Variants in RAB11FIP3 observed in about 807,000 individuals in gnomAD.
RAB11FIP3 encodes the protein rab11 family-interacting protein 3.
Under a neutral mutation model 77.8 loss-of-function variants are expected in RAB11FIP3, and 17 were observed. The ratio of observed to expected loss-of-function variants is 0.22; its 90% CI spans 0.15 to 0.33. The LOEUF (loss-of-function observed/expected upper bound fraction) is 0.33, where lower values mean the gene tolerates loss of function less well. RAB11FIP3 is among the 10% of genes least tolerant of loss of function. The pLI, the probability that RAB11FIP3 is intolerant of heterozygous loss-of-function variation, is 1.00. For synonymous variants in RAB11FIP3, 437 were observed against 448.2 expected, an observed-to-expected ratio of 0.98 and a Z score of 0.31; for missense variants, 1,005 against 1,011.2, an observed-to-expected ratio of 0.99 and a Z score of 0.08.
intron 6 of RAB11FIP3, 31 bp downstream of exon 6, chr16:496,890 C>A: frequency 6.5e-7 from 1 of 1,527,970 alleles, no homozygotes; most frequent in Non-Finnish European, 9.0e-7. Context: ...TGCTGAAAAA[C>A]GTTCTGAAGT....
chr16:487,412 G>A (rs1354475295), intron 4 of RAB11FIP3, among the ~76,000 whole-genome samples: 4 of 152,148 alleles, frequency 2.6e-5, no homozygotes, highest in Non-Finnish European at 5.9e-5. Flanking sequence ...GTGAGCCACC[G>A]CCCCCGGCCC....
At chr16:448,003 G>A (rs916600418) in intron 1 of RAB11FIP3, among the ~76,000 whole-genome samples, 9 of 151,696 alleles carry the variant, frequency 5.9e-5, no homozygotes, top group Non-Finnish European at 1.0e-4. Flanking sequence ...AAAAAAAACT[G>A]TAAAGAAAAT....
At chr16:432,375 C>T (rs896919337) in intron 1 of RAB11FIP3, among the ~76,000 whole-genome samples, 2 of 151,196 alleles carry the variant, frequency 1.3e-5, no homozygotes, top group South Asian at 2.1e-4. Context: ...GAAACTGTCT[C>T]GAAAAACTAA....
At chr16:468,839 T>A (rs1418664509) in intron 2 of RAB11FIP3, among the ~76,000 whole-genome samples, 1 of 152,180 alleles carries the variant, frequency 6.6e-6, no homozygotes, top group African/African-American at 2.4e-5. Context: ...AGAATGGTAT[T>A]TAGGTCCTAC....
intron 6 of RAB11FIP3, 124 bp downstream of exon 6, chr16:496,983 C>A: frequency 1.8e-6 from 2 of 1,094,674 alleles, no homozygotes; most frequent in Non-Finnish European, 2.6e-6. Flanking sequence ...AGTTACTTTA[C>A]ATGGTTTGGG....
At chr16:429,792 C>T (rs900115677) in intron 1 of RAB11FIP3, among the ~76,000 whole-genome samples, 2 of 152,120 alleles carry the variant, frequency 1.3e-5, no homozygotes, top group African/African-American at 4.8e-5. Flanking sequence ...GCCACTGTGC[C>T]CGGCCAAGTA....
intron 1 of RAB11FIP3, among the ~76,000 whole-genome samples, chr16:447,120 T>C (rs1003041036): frequency 2.0e-5 from 3 of 151,934 alleles, no homozygotes; most frequent in African/African-American, 7.3e-5. Flanking sequence ...GCCTGAACAA[T>C]ATAGTGAGAC....
chr16:502,096 T>C (rs1332757076), intron 6 of RAB11FIP3, among the ~76,000 whole-genome samples: 2 of 152,238 alleles, frequency 1.3e-5, no homozygotes, highest in East Asian at 3.8e-4. Flanking sequence ...GGTACTGAGG[T>C]TCCCAGGATG....
chr16:471,173 G>GC lies in RAB11FIP3; in HGVS notation c.809-117dup. On this transcript the variant is annotated intron_variant, in intron 2 of 13. Transcript: ENST00000262305. The surrounding 1 kb of genome is among the most constrained non-coding windows in gnomAD (Gnocchi z 4.4). ...CTTGCTTGTCTTGACCCCCCCCAGG[G>GC]CCCCCAACTCCCACACATCTGTCCC... The GC allele has an allele frequency of 1.3e-6, 1 of 760,094 alleles. No individual in the cohort carries two copies. Among genetic ancestry groups the GC allele is most frequent in the Non-Finnish European group, 2.2e-6 (1 of 449,832 alleles). 47.1% of individuals were successfully genotyped at this position (760,094 alleles called of 1,614,324 possible). A position where few individuals can be genotyped will look rare whatever the true frequency, so the allele number is the denominator to read the frequency against.
intron 1 of RAB11FIP3, among the ~76,000 whole-genome samples, chr16:444,809 ACTATCT>A (rs1274837937): frequency 6.6e-6 from 1 of 151,030 alleles, no homozygotes; most frequent in Non-Finnish European, 1.5e-5. Context: ...ACATAGCGAG[ACTATCT>A]CTATTAAAAA....
intron 4 of RAB11FIP3, among the ~76,000 whole-genome samples, chr16:483,062 G>A (rs1360136905): frequency 1.3e-5 from 2 of 152,108 alleles, no homozygotes; most frequent in Non-Finnish European, 2.9e-5. Flanking sequence ...GTTCACCTTT[G>A]CAGCACCCCT....
Position 426,833 on chromosome 16 carries a change from A to G in RAB11FIP3, c.714+113A>G, listed in dbSNP as rs1289376199. ...TGGAGTCGGGAAAGGCACTGTCAAG[A>G]CCTGACGGTCCTGCTTTTTCTGCTT... On this transcript the variant is annotated intron_variant, in intron 1 of 13. Transcript: ENST00000262305. This position sits in a 1 kb window ranked among gnomAD's most constrained non-coding sequence, Gnocchi z 5.0. The G allele has an allele frequency of 1.4e-5, 11 of 805,876 alleles. No individual in the cohort carries two copies. Among genetic ancestry groups the G allele is most frequent in the Non-Finnish European group, 5.5e-6 (3 of 548,674 alleles). 49.9% of individuals were successfully genotyped at this position (805,876 alleles called of 1,614,324 possible).
At chr16:436,323 G>T (rs1472887934) in intron 1 of RAB11FIP3, among the ~76,000 whole-genome samples, 1 of 152,064 alleles carries the variant, frequency 6.6e-6, no homozygotes, top group African/African-American at 2.4e-5. Context: ...AAGAAGAAAA[G>T]AGATGGGATC....
chr16:512,860 AAT>A (rs2032248631), intron 9 of RAB11FIP3, among the ~76,000 whole-genome samples: 1 of 152,084 alleles, frequency 6.6e-6, no homozygotes, highest in African/African-American at 2.4e-5. Context: ...CATTATTTTA[AAT>A]AGAGACAGGG....
At chr16:487,856 C>T (rs1055485386) in intron 4 of RAB11FIP3, among the ~76,000 whole-genome samples, 7 of 152,110 alleles carry the variant, frequency 4.6e-5, no homozygotes, top group African/African-American at 1.4e-4. Context: ...GCTGCTGTTA[C>T]GTTTTAGCTT....
intron 6 of RAB11FIP3, among the ~76,000 whole-genome samples, chr16:501,173 T>C (rs2031491602): frequency 6.6e-6 from 1 of 152,254 alleles, no homozygotes; most frequent in Non-Finnish European, 1.5e-5. Flanking sequence ...ATACACTTGG[T>C]AGACATTTTC....
intron 3 of RAB11FIP3, among the ~76,000 whole-genome samples, chr16:479,182 A>T (rs2141715217): frequency 6.6e-6 from 1 of 152,288 alleles, no homozygotes. Flanking sequence ...ACTTGAGCTC[A>T]GGAGTTTGGG....
rs556709106 is a variant in RAB11FIP3, at chr16:433,988, AG to A, written c.714+7270del. ...CAGTGCTGCAGTAAACATGGGGTGC[AG>A]GCATCCCTGTGGTATATGGATTTCC... is the stretch of plus-strand genomic sequence containing the variant. On this transcript the variant is annotated intron_variant, in intron 1 of 13. Coordinates refer to ENST00000262305, the MANE Select transcript of RAB11FIP3 (RefSeq NM_014700.4). Among the ~76,000 whole-genome samples, 213 of 152,282 alleles carry A rather than the reference AG, an allele frequency of 1.4e-3. 1 individual carries two copies. Among genetic ancestry groups the A allele is most frequent in the African/African-American group, 4.5e-3 (189 of 41,560 alleles).
At position 426,745 on chromosome 16, in the gene RAB11FIP3, G is replaced by T. The variant is rs547841108; in HGVS notation, c.714+25G>T. The stretch of plus-strand genomic sequence containing the variant: ...GGTACGGAGCGGCCCGGGCCGGGGC[G>T]TGGGAACTGGGCAGGTGCGCGCTGG... On this transcript the variant is annotated intron_variant, in intron 1 of 13. Coordinates refer to ENST00000262305, the MANE Select transcript of RAB11FIP3 (RefSeq NM_014700.4). This position sits in a 1 kb window ranked among gnomAD's most constrained non-coding sequence, Gnocchi z 5.0. 17 of 1,463,220 alleles carry T rather than the reference G, an allele frequency of 1.2e-5. No individual in the cohort carries two copies. In the Admixed American group the frequency reaches 3.9e-4, roughly 34 times the overall value. 90.6% of individuals were successfully genotyped at this position (1,463,220 alleles called of 1,614,324 possible). A position where few individuals can be genotyped will look rare whatever the true frequency, so the allele number is the denominator to read the frequency against.
Sources: allele counts gnomAD v4.1 joint callset (sites outside exome capture counted in the v4.1 genomes callset), GRCh38; gene constraint gnomAD v4.1.1; non-coding constraint Gnocchi (gnomAD v3.1); transcripts MANE v1.5; gene names NCBI Gene and HGNC (gene_info 2026-07-23, HGNC 2026-07-21).